The following CXADR variants were observed in gnomAD, a reference collection of about 807,000 sequenced individuals.
The protein encoded by CXADR is coxsackievirus and adenovirus receptor.
In CXADR, 20 loss-of-function variants were observed where a neutral mutation model predicts 40.3. The ratio of observed to expected loss-of-function variants is 0.50; its 90% CI spans 0.35 to 0.72. CXADR has a LOEUF of 0.72. Ranked by LOEUF, CXADR falls within the 30% of genes least tolerant of loss-of-function variation. The pLI, the probability that CXADR is intolerant of heterozygous loss-of-function variation, is 0.01. For missense variants in CXADR, 332 were observed against 449.1 expected (o/e 0.74, Z 2.36); for synonymous variants, 150 against 161.3 (o/e 0.93, Z 0.53).
intron 1 of CXADR, chr21:17,519,073 C>T (rs2060496513): frequency 3.1e-6 from 3 of 962,898 alleles, no homozygotes; most frequent in African/African-American, 1.6e-5. Flanking sequence ...GATATGCCCC[C>T]TCTTAATCTT....
intron 1 of CXADR, among the ~76,000 whole-genome samples, chr21:17,529,146 C>G (rs1237064288): frequency 1.4e-5 from 2 of 147,814 alleles, no homozygotes; most frequent in Non-Finnish European, 3.0e-5. Flanking sequence ...TCAAGCGATT[C>G]TCCTGCCTCA....
rs1262583230 is a variant in CXADR at position 17,587,199 on chromosome 21, A to T, written c.1018-5953A>T. On this transcript the variant is annotated intron_variant, in intron 7 of 7. Coordinates refer to the CXADR transcript ENST00000400169. ...TTGTGAATAGTGCCGCAATAAACCT[A>T]CGTGTGCATGTGTCCTTATAGCAGC... Among the ~76,000 whole-genome samples, 3 of 152,270 alleles carry T rather than the reference A, an allele frequency of 2.0e-5. No homozygotes were observed. The South Asian group carries it at 6.2e-4, about 32-fold the overall frequency.
chr21:17,522,896 TTC>T (rs1207815028), intron 1 of CXADR, among the ~76,000 whole-genome samples: 2 of 152,166 alleles, frequency 1.3e-5, no homozygotes, highest in Non-Finnish European at 2.9e-5. Flanking sequence ...CTCCAGCTGA[TTC>T]TGTTTCACAC....
the CXADR span, among the ~76,000 whole-genome samples, chr21:17,610,656 G>C: frequency 6.6e-6 from 1 of 152,148 alleles, no homozygotes; most frequent in East Asian, 1.9e-4. Context: ...TCATTCATCT[G>C]GCTGCTGTAA....
At chr21:17,517,744 C>T (rs930947085) in intron 1 of CXADR, among the ~76,000 whole-genome samples, 12 of 152,238 alleles carry the variant, frequency 7.9e-5, no homozygotes, top group Admixed American at 2.0e-4. Flanking sequence ...ATTAGGCACT[C>T]GCTTAACTCT....
chr21:17,591,144 G>T (rs918495513), intron 7 of CXADR, among the ~76,000 whole-genome samples: 8 of 151,932 alleles, frequency 5.3e-5, no homozygotes, highest in African/African-American at 1.9e-4. Flanking sequence ...GAATCTGATG[G>T]CAAGGTACCA....
chr21:17,553,066 GCA>G (rs569586526), intron 3 of CXADR, among the ~76,000 whole-genome samples: 2,056 of 152,210 alleles, frequency 0.014, 43 homozygotes, highest in African/African-American at 0.045. Context: ...GGGATTACAG[GCA>G]TGCACCACCA....
intron 1 of CXADR, chr21:17,518,836 A>G (rs1040978833): frequency 5.1e-6 from 8 of 1,560,858 alleles, no homozygotes; most frequent in East Asian, 4.5e-5. Context: ...CATCTCTTCA[A>G]TACCAACTAT....
downstream of CXADR, among the ~76,000 whole-genome samples, chr21:17,573,636 C>T (rs141373255): frequency 2.6e-5 from 4 of 152,254 alleles, no homozygotes; most frequent in East Asian, 3.9e-4. Context: ...AGGCTGGGCA[C>T]GGTGGCTCAC....
chr21:17,543,025 G>T, intron 1 of CXADR: 1 of 368,260 alleles, frequency 2.7e-6, no homozygotes, highest in Non-Finnish European at 5.4e-6. Flanking sequence ...TTCATTTCTA[G>T]TGCAACACAG....
chr21:17,617,546 T>C, the CXADR span, among the ~76,000 whole-genome samples: 2 of 152,244 alleles, frequency 1.3e-5, no homozygotes, highest in Admixed American at 6.5e-5. Context: ...ATTAAGTGAA[T>C]ATTGCAATAA....
intron 1 of CXADR, among the ~76,000 whole-genome samples, chr21:17,520,850 T>C (rs1016442528): frequency 6.6e-6 from 1 of 152,172 alleles, no homozygotes; most frequent in Non-Finnish European, 1.5e-5. Context: ...ATGATGTCAC[T>C]AACCTACGGG....
At chr21:17,581,404 T>C (rs1031354207) in intron 7 of CXADR, among the ~76,000 whole-genome samples, 1 of 152,212 alleles carries the variant, frequency 6.6e-6, no homozygotes, top group Non-Finnish European at 1.5e-5. Context: ...GCTTTCAATA[T>C]ATGAGAGTGT....
chr21:17,593,837 AATAT>A, downstream of CXADR: 6 of 434,572 alleles, frequency 1.4e-5, no homozygotes, highest in Non-Finnish European at 2.4e-5. Context: ...GTTGATGCAC[AATAT>A]ATAAATACTC....
the CXADR span, chr21:17,605,013 G>GTTAC: frequency 6.2e-7 from 1 of 1,611,362 alleles, no homozygotes. Context: ...ACAAAGTGGA[G>GTTAC]TTACGTTAAT....
At chr21:17,518,396 G>A (rs921013774) in intron 1 of CXADR, 73 of 531,220 alleles carry the variant, frequency 1.4e-4, no homozygotes, top group African/African-American at 1.3e-3. Flanking sequence ...ATGCTGAACA[G>A]CATTATTAAT....
chr21:17,619,502 T>C, the CXADR span, among the ~76,000 whole-genome samples: 1 of 151,788 alleles, frequency 6.6e-6, no homozygotes, highest in African/African-American at 2.4e-5. Context: ...GGCAGGAGAA[T>C]CGCTTGAGCC....
chr21:17,534,060 C>CTATATA (rs201049313), intron 1 of CXADR, among the ~76,000 whole-genome samples: 5 of 47,152 alleles, frequency 1.1e-4, no homozygotes, highest in Non-Finnish European at 2.4e-4. Context: ...ATATATATAG[C>CTATATA]TATATATATA....
chr21:17,600,482 T>TGC, the CXADR span, among the ~76,000 whole-genome samples: 1 of 152,124 alleles, frequency 6.6e-6, no homozygotes, highest in Non-Finnish European at 1.5e-5. Context: ...ATCAGAATGG[T>TGC]TATCTATTAT....
Sources: gnomAD v4.1 joint callset for allele counts (sites outside exome capture counted in the v4.1 genomes callset) on GRCh38, gnomAD v4.1.1 for gene constraint, MANE v1.5 for transcripts, NCBI Gene and HGNC (gene_info 2026-07-23, HGNC 2026-07-21) for gene names.